NEGR1: variants seen among roughly 807,000 people sequenced by gnomAD.
NEGR1 encodes the protein IgLON family member 4.
NEGR1 carries 10 observed loss-of-function variants against 40.9 expected under a neutral mutation model. That is an observed-to-expected ratio of 0.24 (90% CI 0.15 to 0.42). The LOEUF (loss-of-function observed/expected upper bound fraction) is 0.42. Ranked by LOEUF, NEGR1 falls within the 10% of genes least tolerant of loss-of-function variation. The pLI is 1.00. For synonymous variants in NEGR1, 185 were observed against 166.8 expected, an observed-to-expected ratio of 1.11 and a Z score of -0.84; for missense variants, 352 against 438.9, an observed-to-expected ratio of 0.80 and a Z score of 1.77.
intron 2 of NEGR1, among the ~76,000 whole-genome samples, chr1:71,908,507 G>C (rs1194604136): frequency 1.3e-5 from 2 of 152,092 alleles, no homozygotes; most frequent in Non-Finnish European, 2.9e-5. Flanking sequence ...CAGGATCTTA[G>C]CACCAATCTA....
intron 4 of NEGR1, among the ~76,000 whole-genome samples, chr1:71,619,747 C>T (rs974717601): frequency 1.3e-5 from 2 of 152,016 alleles, no homozygotes; most frequent in African/African-American, 4.8e-5. Context: ...TTCTAATTTG[C>T]TCAGTGGGAT....
chr1:71,473,956 C>T (rs1646801313), intron 6 of NEGR1, among the ~76,000 whole-genome samples: 1 of 151,868 alleles, frequency 6.6e-6, no homozygotes, highest in African/African-American at 2.4e-5. Context: ...AGATGTCTTG[C>T]CTGAGCCTGC....
chr1:71,864,849 C>G (rs1016822800), intron 2 of NEGR1, among the ~76,000 whole-genome samples: 4 of 152,102 alleles, frequency 2.6e-5, no homozygotes, highest in South Asian at 2.1e-4. Context: ...TTATACAATG[C>G]TGTAGATGCA....
At chr1:72,011,556 C>CA (rs1294328614) in intron 1 of NEGR1, among the ~76,000 whole-genome samples, 20 of 151,918 alleles carry the variant, frequency 1.3e-4, no homozygotes, top group African/African-American at 4.6e-4. Flanking sequence ...AGCAAGATAC[C>CA]AAAGGGATGC....
At chr1:71,784,492 A>G (rs1040869421) in intron 2 of NEGR1, among the ~76,000 whole-genome samples, 4 of 152,150 alleles carry the variant, frequency 2.6e-5, no homozygotes, top group African/African-American at 9.7e-5. Flanking sequence ...GCAGTGGGGC[A>G]CCATCCTGGA....
intron 1 of NEGR1, among the ~76,000 whole-genome samples, chr1:72,197,320 G>T (rs1020998006): frequency 6.6e-6 from 1 of 151,946 alleles, no homozygotes; most frequent in African/African-American, 2.4e-5. Context: ...TCTTAATTTT[G>T]CAAAGCAGAA....
intron 1 of NEGR1, among the ~76,000 whole-genome samples, chr1:72,223,399 A>G (rs1557585867): frequency 1.3e-5 from 2 of 152,208 alleles, no homozygotes; most frequent in Non-Finnish European, 2.9e-5. Context: ...AGAGCATAAT[A>G]CAGGACAAAG....
chr1:72,272,555 T>C (rs903416972), intron 1 of NEGR1, among the ~76,000 whole-genome samples: 2 of 151,976 alleles, frequency 1.3e-5, no homozygotes, highest in African/African-American at 4.8e-5. Flanking sequence ...ATAGCTCTTA[T>C]ATTCACAATA....
At chr1:71,927,818 TAAAA>T (rs35429988) in intron 2 of NEGR1, among the ~76,000 whole-genome samples, 25 of 22,436 alleles carry the variant, frequency 1.1e-3, no homozygotes, top group South Asian at 2.8e-3. Flanking sequence ...ACCCAATCTC[TAAAA>T]AAAAAAAAAA....
intron 1 of NEGR1, among the ~76,000 whole-genome samples, chr1:71,978,689 T>TA (rs889978466): frequency 6.6e-6 from 1 of 151,778 alleles, no homozygotes; most frequent in Non-Finnish European, 1.5e-5. Flanking sequence ...AGGTTATTAT[T>TA]AAAAAATCAA....
intron 2 of NEGR1, among the ~76,000 whole-genome samples, chr1:71,918,399 A>T (rs1271263537): frequency 6.6e-6 from 1 of 151,998 alleles, no homozygotes; most frequent in Non-Finnish European, 1.5e-5. Context: ...GAACAAAAAA[A>T]CACTCCAAGG....
intron 1 of NEGR1, among the ~76,000 whole-genome samples, chr1:72,270,100 T>C (rs1655793378): frequency 6.6e-6 from 1 of 151,828 alleles, no homozygotes; most frequent in Non-Finnish European, 1.5e-5. Context: ...ATTGTAATTG[T>C]GGCTCAGCCA....
chr1:72,240,841 G>T (rs1196212708), intron 1 of NEGR1, among the ~76,000 whole-genome samples: 1 of 151,792 alleles, frequency 6.6e-6, no homozygotes, highest in Non-Finnish European at 1.5e-5. Context: ...AAGGGCAACT[G>T]TGTGAGTTTT....
At chr1:71,974,992 T>C (rs1234950563) in intron 1 of NEGR1, among the ~76,000 whole-genome samples, 2 of 152,206 alleles carry the variant, frequency 1.3e-5, no homozygotes, top group African/African-American at 4.8e-5. Flanking sequence ...AAAGACATCA[T>C]GCTAATAGAA....
intron 1 of NEGR1, among the ~76,000 whole-genome samples, chr1:72,257,509 TTGA>T (rs1220089881): frequency 6.6e-6 from 1 of 152,132 alleles, no homozygotes; most frequent in African/African-American, 2.4e-5. Context: ...ACGTAACATG[TTGA>T]TATGTGTGTC....
intron 4 of NEGR1, among the ~76,000 whole-genome samples, chr1:71,676,192 T>G (rs182625863): frequency 2.4e-4 from 36 of 152,122 alleles, no homozygotes; most frequent in South Asian, 8.3e-4. Context: ...AGGACACTTT[T>G]TGTGTGTGTG....
At chr1:72,195,808 CATTAT>C (rs1405190088) in intron 1 of NEGR1, among the ~76,000 whole-genome samples, 1 of 151,964 alleles carries the variant, frequency 6.6e-6, no homozygotes, top group Non-Finnish European at 1.5e-5. Flanking sequence ...GTGGCCATTA[CATTAT>C]AAGGTGTTAT....
At chr1:72,255,420 A>G (rs752938273) in intron 1 of NEGR1, among the ~76,000 whole-genome samples, 23 of 152,188 alleles carry the variant, frequency 1.5e-4, no homozygotes, top group Non-Finnish European at 2.9e-4. Flanking sequence ...GAATGAATGT[A>G]TATTCAGAAT....
intron 6 of NEGR1, among the ~76,000 whole-genome samples, chr1:71,586,716 T>C (rs1649320834): frequency 6.6e-6 from 1 of 152,094 alleles, no homozygotes; most frequent in African/African-American, 2.4e-5. Flanking sequence ...TGAAAATACA[T>C]ACATGTTCCA....
Sources: allele counts gnomAD v4.1 joint callset (sites outside exome capture counted in the v4.1 genomes callset), GRCh38; gene constraint gnomAD v4.1.1; transcripts MANE v1.5; gene names NCBI Gene and HGNC (gene_info 2026-07-23, HGNC 2026-07-21).